The following HDAC5 variants were observed in gnomAD, a reference collection of about 807,000 sequenced individuals.
The protein encoded by HDAC5 is antigen NY-CO-9.
In HDAC5, 25 loss-of-function variants were observed where a neutral mutation model predicts 133.3. That is an observed-to-expected ratio of 0.19 (90% confidence interval 0.14 to 0.26). HDAC5 has a LOEUF of 0.26. Among genes scored for constraint, HDAC5 ranks in the 10% least tolerant of loss-of-function variants. The pLI is 1.00. For synonymous variants in HDAC5, 589 were observed against 610.8 expected, an observed-to-expected ratio of 0.96 and a Z score of 0.53; for missense variants, 1,041 against 1,460.5, an observed-to-expected ratio of 0.71 and a Z score of 4.68.
intron 21 of HDAC5, 116 bp from the exon 22 acceptor site, chr17:44,080,614 G>A: frequency 6.9e-6 from 10 of 1,453,426 alleles, no homozygotes; most frequent in Non-Finnish European, 9.6e-6. Flanking sequence ...TGCCTGGAGG[G>A]GCAGTCAGAT....
At position 44,082,804 on chromosome 17, in the gene HDAC5, A is replaced by G; in HGVS notation, c.2480T>C (p.Ile827Thr). 6.4e-7 allele frequency: 1 copy of G among 1,555,566 alleles called. No individual in the cohort carries two copies. Among genetic ancestry groups the G allele is most frequent in the Non-Finnish European group, 8.7e-7 (1 of 1,148,854 alleles). Residue 827 changes from isoleucine to threonine, a missense_variant, in exon 19 of 27, where the codon ATC (isoleucine) becomes ACC (threonine). Physicochemically the swap from Ile to Thr is moderately conservative, Grantham distance 89. Around this residue, in one of 9 missense-constraint regions of HDAC5, gnomAD observed 174 missense variants for 352.7 expected, o/e 0.49. Transcript: ENST00000682912. Reference protein sequence around the residue: ...AGELKNGFAIIRPPGHHAEES... With the variant: ...AGELKNGFAITRPPGHHAEES... ...CTCGGCGTGGTGTCCTGGGGGCCGG[A>G]TGATGGCAAATCCATTCTGAAGAGG...
chr17:44,091,080 G>A (rs944326996), intron 11 of HDAC5, among the ~76,000 whole-genome samples, 190 bp downstream of exon 11: 44 of 152,324 alleles, frequency 2.9e-4, no homozygotes, highest in East Asian at 1.9e-4. Flanking sequence ...GGATGTGAAC[G>A]CCAAGATGGC....
chr17:44,080,185 C>T lies in HDAC5; in HGVS notation c.2866G>A (p.Val956Met), dbSNP rs142915011. 6.2e-6 allele frequency: 10 copies of T among 1,614,074 alleles called. No individual in the cohort carries two copies. The African/African-American group carries it at 9.3e-5, about 15-fold the overall frequency. Residue 956 changes from valine (V) to methionine (M), a missense_variant, in exon 23 of 27, where the codon GTG becomes ATG. Around this residue, in one of 9 missense-constraint regions of HDAC5, gnomAD observed 174 missense variants for 352.7 expected, o/e 0.49. Transcript: ENST00000682912. ...MPIAHEFSPD[V>M]VLVSAGFDAV... The stretch of plus-strand genomic sequence containing the variant: ...TCAAACCCGGCGGAGACTAGGACCA[C>T]ATCAGGTGAGAACTCGTGGGCAATG...
chr17:44,082,358 A>T, intron 20 of HDAC5: 1 of 576,230 alleles, frequency 1.7e-6, no homozygotes. Context: ...GCCAAGATGG[A>T]ACAGGAGCTA....
At chr17:44,086,520 C>T (rs1238246529) in intron 14 of HDAC5, 52 bp downstream of exon 14, 8 of 1,259,264 alleles carry the variant, frequency 6.4e-6, no homozygotes, top group Non-Finnish European at 7.1e-6. Flanking sequence ...AGACACCACA[C>T]ACAGGCCCTC....
At chr17:44,118,963 C>A (rs2143655464) in intron 1 of HDAC5, among the ~76,000 whole-genome samples, 1 of 152,314 alleles carries the variant, frequency 6.6e-6, no homozygotes, top group South Asian at 2.1e-4. Context: ...GGCAGAAACA[C>A]AAGAACATGA....
intron 13 of HDAC5, among the ~76,000 whole-genome samples, chr17:44,087,105 A>G (rs924129830): frequency 6.6e-6 from 1 of 151,586 alleles, no homozygotes; most frequent in African/African-American, 2.4e-5. Context: ...GTGTGTACAC[A>G]CACGCACAGG....
chr17:44,092,748 T>G lies in HDAC5; in HGVS notation c.700A>C (p.Thr234Pro). The change falls in exon 7 of 27, where the codon ACG (threonine) becomes CCG (proline). Residue 234 changes from threonine (T) to proline (P), a missense_variant. Around this residue, in one of 9 missense-constraint regions of HDAC5, gnomAD observed 56 missense variants for 41.3 expected, o/e 1.36. Coordinates refer to ENST00000682912, the MANE Select transcript of HDAC5 (RefSeq NM_005474.5). The part of the protein sequence containing the change: ...SSPPQSGPPG[T>P]PPSYKLPLPG... Reference sequence around the variant, plus strand: ...AAAGGCAGTTTGTAGGAGGGAGGCGTCCCAGGGGGGCCGCTCTGGGGAGGG... The same window carrying G: ...AAAGGCAGTTTGTAGGAGGGAGGCGGCCCAGGGGGGCCGCTCTGGGGAGGG... 1 of 1,154,842 alleles carries G rather than the reference T, an allele frequency of 8.7e-7. No individual in the cohort carries two copies. The highest frequency in any genetic ancestry group is 1.8e-5 in the South Asian group (1 of 55,056). 71.5% of individuals were successfully genotyped at this position (1,154,842 alleles called of 1,614,324 possible).
chr17:44,078,754 C>T (rs770482040), intron 25 of HDAC5, 41 bp downstream of exon 25: 7 of 1,610,266 alleles, frequency 4.3e-6, no homozygotes, highest in Middle Eastern at 3.3e-4. Context: ...AAGCTCCGTG[C>T]CCCCTTGGCA....
rs1239371087 is a variant in HDAC5, at chr17:44,084,594, G to A, written c.2266C>T (p.Pro756Ser). 6 of 1,614,032 alleles carry A rather than the reference G, an allele frequency of 3.7e-6. No homozygotes were observed. The highest frequency in any genetic ancestry group is 5.1e-6 in the Non-Finnish European group (6 of 1,180,034). The change falls in exon 16 of 27, where the codon CCC (proline) becomes TCC (serine). Residue 756 changes from proline to serine, a missense_variant. Around this residue, in one of 9 missense-constraint regions of HDAC5, gnomAD observed 31 missense variants for 27.0 expected, o/e 1.15. Transcript: ENST00000682912. ...EYHTLLYGTSPLNRQKLDSKK... is the reference protein window; with the variant it reads ...EYHTLLYGTSSLNRQKLDSKK... ...CTGTCTAGCTTCTGCCGGTTGAGGG[G>A]ACTGGTCCCATAGAGCAGGGTGTGG...
chr17:44,082,976 G>GT (rs1408605433), intron 18 of HDAC5, among the ~76,000 whole-genome samples, 156 bp from the exon 19 acceptor site: 3 of 152,040 alleles, frequency 2.0e-5, no homozygotes, highest in Admixed American at 6.6e-5. Context: ...GGGTTTCTTT[G>GT]TTTTTTTATG....
intron 3 of HDAC5, among the ~76,000 whole-genome samples, chr17:44,103,390 C>T (rs1598002921): frequency 6.6e-6 from 1 of 152,212 alleles, no homozygotes; most frequent in African/African-American, 2.4e-5. Flanking sequence ...CAAGTGAACA[C>T]ACATCACGTA....
Position 44,077,059 on chromosome 17 carries a change from C to A in HDAC5, c.*1317G>T, listed in dbSNP as rs1373445841. On this transcript the variant is annotated 3_prime_UTR_variant, in exon 27 of 27. Transcript: ENST00000682912. ...TGGCTCCCTCAATCCTGCTCAGGCC[C>A]CCATAGGATAATAAATATGTAAACA... 6.5e-6 allele frequency: 1 copy of A among 152,834 alleles called. No individual in the cohort carries two copies. The highest frequency in any genetic ancestry group is 2.4e-5 in the African/African-American group (1 of 41,406). The allele number at this position is 152,834 out of a possible 1,614,324, so 9.5% of individuals were successfully genotyped here. A position where few individuals can be genotyped will look rare whatever the true frequency, so the allele number is the denominator to read the frequency against.
intron 16 of HDAC5, 41 bp from the exon 17 acceptor site, chr17:44,083,895 G>A (rs374459621): frequency 6.4e-6 from 10 of 1,560,030 alleles, no homozygotes; most frequent in South Asian, 4.4e-5. Context: ...AAGTGGCCTC[G>A]GGCGGATCAC....
Position 44,117,692 on chromosome 17 carries a change from CAGA to C in HDAC5, c.-180_-178del. 1.5e-6 allele frequency: 1 copy of C among 671,894 alleles called. No individual in the cohort carries two copies. The highest frequency in any genetic ancestry group is 2.7e-6 in the Non-Finnish European group (1 of 374,504). The allele number at this position is 671,894 out of a possible 1,614,324, so 41.6% of individuals were successfully genotyped here. ...CTTCGGGGCGAGGCAGTCAGGCACTCAGAACGGCATCCCTGGGGAGAGATGGAG... is the reference window on the plus strand; with the variant it reads ...CTTCGGGGCGAGGCAGTCAGGCACTCACGGCATCCCTGGGGAGAGATGGAG... On this transcript the variant is annotated 5_prime_UTR_variant, in exon 2 of 27. An upstream open reading frame in the 5' UTR gains an earlier in-frame stop. Coordinates refer to ENST00000682912, the MANE Select transcript of HDAC5 (RefSeq NM_005474.5). This position sits in a 1 kb window ranked among gnomAD's most constrained non-coding sequence, Gnocchi z 4.2.
At chr17:44,114,238 C>A (rs1268661187) in intron 2 of HDAC5, among the ~76,000 whole-genome samples, 1 of 152,242 alleles carries the variant, frequency 6.6e-6, no homozygotes, top group Non-Finnish European at 1.5e-5. Context: ...TGCCAGGGGG[C>A]ATCTCAGTAG....
intron 3 of HDAC5, among the ~76,000 whole-genome samples, chr17:44,102,667 CTTT>C (rs33983305): frequency 2.5e-4 from 33 of 130,042 alleles, no homozygotes; most frequent in Admixed American, 3.1e-4. Flanking sequence ...CAGGTTCTCT[CTTT>C]TTTTTTTTTT....
At chr17:44,106,762 A>C (rs749400489) in intron 3 of HDAC5, among the ~76,000 whole-genome samples, 1 of 150,770 alleles carries the variant, frequency 6.6e-6, no homozygotes, top group African/African-American at 2.4e-5. Context: ...AATTTTTTGT[A>C]TTTTTAGTAG....
rs1437942510 is a variant in HDAC5 at position 44,077,410 on chromosome 17, C to T, written c.*966G>A. ...CCCCTTCTAGAACCTCCATTCTCACCATCCCCAGGATCCAAAACAAAAGGC... is the reference window on the plus strand; with the variant it reads ...CCCCTTCTAGAACCTCCATTCTCACTATCCCCAGGATCCAAAACAAAAGGC... On this transcript the variant is annotated 3_prime_UTR_variant, in exon 27 of 27. Coordinates refer to ENST00000682912, the MANE Select transcript of HDAC5 (RefSeq NM_005474.5). 6.6e-6 allele frequency: 1 copy of T among 152,310 alleles called. No individual in the cohort carries two copies. The highest frequency in any genetic ancestry group is 2.4e-5 in the African/African-American group (1 of 41,434). 9.4% of individuals were successfully genotyped at this position (152,310 alleles called of 1,614,324 possible).
Sources: allele counts gnomAD v4.1 joint callset (sites outside exome capture counted in the v4.1 genomes callset), GRCh38; gene constraint gnomAD v4.1.1; regional missense constraint gnomAD v4.1.1; non-coding constraint Gnocchi (gnomAD v3.1); transcripts MANE v1.5; gene names NCBI Gene and HGNC (gene_info 2026-07-23, HGNC 2026-07-21).